FUT8: variants seen among roughly 807,000 people sequenced by gnomAD.
FUT8 encodes fucosyltransferase 8.
In FUT8, 29 loss-of-function variants were observed where a neutral mutation model predicts 71.3. The observed-to-expected ratio is 0.41, with a 90% CI of 0.30 to 0.55. The LOEUF is 0.55. Among genes scored for constraint, FUT8 ranks in the 20% least tolerant of loss-of-function variants. The probability of loss-of-function intolerance (pLI) is 0.34; values close to 1 mark genes in which losing one functional copy is unlikely to be tolerated. For synonymous variants in FUT8, 254 were observed against 239.3 expected (o/e 1.06, Z -0.57); for missense variants, 544 against 702.1 (o/e 0.77, Z 2.55).
rs184345612 is a variant in FUT8 at position 65,550,529 on chromosome 14, T to G, written c.-227-10808T>G. On this transcript the variant is annotated intron_variant, in intron 2 of 10. Transcript: ENST00000673929. The surrounding 1 kb of genome is among the most constrained non-coding windows in gnomAD (Gnocchi z 4.5). ...TACTCAGAGTGGTTTCTACTGAATA[T>G]ATATTGCTTTTATACCATCATAAAG... Among the ~76,000 whole-genome samples the G allele has an allele frequency of 4.6e-4, 70 of 152,348 alleles. No individual in the cohort carries two copies. The highest frequency in any genetic ancestry group is 1.6e-3 in the African/African-American group (65 of 41,586).
chr14:65,536,299 G>C (rs570572889), intron 2 of FUT8, among the ~76,000 whole-genome samples: 1 of 152,248 alleles, frequency 6.6e-6, no homozygotes, highest in East Asian at 1.9e-4. Flanking sequence ...TTATTGTGTT[G>C]TTAGCTTTTT....
intron 1 of FUT8, among the ~76,000 whole-genome samples, chr14:65,414,216 C>G (rs567711799): frequency 6.6e-6 from 1 of 152,262 alleles, no homozygotes; most frequent in South Asian, 2.1e-4. Context: ...AAACGCATCT[C>G]AAGTAACTGA....
Position 65,489,905 on chromosome 14 carries a change from A to G in FUT8, c.-228+34187A>G, listed in dbSNP as rs187251082. ...TTTTCAAAAAAACATTAAAAACTCC[A>G]AAACCCAAGGAAGAAAAAGCTTCTT... On this transcript the variant is annotated intron_variant, in intron 2 of 10. Coordinates refer to ENST00000673929, the MANE Select transcript of FUT8 (RefSeq NM_001371533.1). This position sits in a 1 kb window ranked among gnomAD's most constrained non-coding sequence, Gnocchi z 4.0. 1.4e-3 allele frequency among the ~76,000 whole-genome samples: 212 copies of G among 152,260 alleles called. No individual in the cohort carries two copies. The highest frequency in any genetic ancestry group is 2.2e-3 in the Admixed American group (34 of 15,284).
intron 2 of FUT8, among the ~76,000 whole-genome samples, chr14:65,520,522 TA>T (rs1433537624): frequency 6.6e-6 from 1 of 152,158 alleles, no homozygotes; most frequent in Non-Finnish European, 1.5e-5. Flanking sequence ...TTGCTGTTTT[TA>T]TCAGGAAAAA....
Position 65,616,291 on chromosome 14 carries a change from T to C in FUT8, c.400T>C (p.Leu134=), listed in dbSNP as rs1263495001. ...KELWFFLQSE[L]KKLKNLEGNE... is the part of the protein sequence containing the mutation. The stretch of plus-strand genomic sequence containing the variant: ...GCTCTGGTTTTTCCTACAGAGTGAA[T>C]TGAAGAAATTAAAGAACTTAGAAGG... Residue 134 remains leucine, a synonymous_variant, in exon 5 of 11, where the codon TTG becomes CTG. Transcript: ENST00000673929. The C allele has an allele frequency of 5.0e-6, 8 of 1,612,548 alleles. No homozygotes were observed. The highest frequency in any genetic ancestry group is 1.7e-5 in the Admixed American group (1 of 59,668).
chr14:65,397,674 G>A, the FUT8 span, among the ~76,000 whole-genome samples: 1 of 152,250 alleles, frequency 6.6e-6, no homozygotes, highest in African/African-American at 2.4e-5. The surrounding 1 kb of genome is among the most constrained non-coding windows in gnomAD (Gnocchi z 4.2). Context: ...GCTGGGTCCT[G>A]CCTTGACCCC....
intron 9 of FUT8, among the ~76,000 whole-genome samples, chr14:65,731,729 A>C (rs774059500): frequency 1.9e-4 from 29 of 152,236 alleles, no homozygotes; most frequent in Non-Finnish European, 2.2e-4. Context: ...TCTTGAGCTC[A>C]AGCAGTCTGC....
At chr14:65,711,036 T>G (rs556468806) in intron 7 of FUT8, among the ~76,000 whole-genome samples, 1 of 152,270 alleles carries the variant, frequency 6.6e-6, no homozygotes, top group Admixed American at 6.5e-5. Context: ...AAGTCTTTCA[T>G]GAGGGATCTG....
chr14:65,504,218 A>AT (rs2066690655), intron 2 of FUT8, among the ~76,000 whole-genome samples: 3 of 152,090 alleles, frequency 2.0e-5, no homozygotes, highest in South Asian at 2.1e-4. Flanking sequence ...TGGATTAAAA[A>AT]TTTTTTTTAA....
chr14:65,468,750 T>C (rs2066087520), intron 2 of FUT8, among the ~76,000 whole-genome samples: 1 of 152,112 alleles, frequency 6.6e-6, no homozygotes, highest in Non-Finnish European at 1.5e-5. Context: ...TATTGATTTG[T>C]ACACTCCCCT....
At chr14:65,576,561 C>T (rs989025528) in intron 3 of FUT8, among the ~76,000 whole-genome samples, 5 of 151,750 alleles carry the variant, frequency 3.3e-5, no homozygotes, top group African/African-American at 1.2e-4. Context: ...CAGGGTCTTG[C>T]TCTGTCTCCA....
At chr14:65,504,277 C>G (rs1340574529) in intron 2 of FUT8, among the ~76,000 whole-genome samples, 2 of 152,116 alleles carry the variant, frequency 1.3e-5, no homozygotes, top group African/African-American at 4.8e-5. Flanking sequence ...ATAATTTTAA[C>G]TATTTGTCCA....
At chr14:65,582,762 T>C (rs1256857213) in intron 3 of FUT8, among the ~76,000 whole-genome samples, 2 of 152,212 alleles carry the variant, frequency 1.3e-5, no homozygotes, top group Admixed American at 6.5e-5. Context: ...CCTTGTATCA[T>C]AGTGTTTAGA....
intron 1 of FUT8, among the ~76,000 whole-genome samples, chr14:65,417,920 A>G (rs2065241737): frequency 6.6e-6 from 1 of 152,210 alleles, no homozygotes; most frequent in Non-Finnish European, 1.5e-5. Context: ...TTATTTTTCC[A>G]TAAACTGAAT....
chr14:65,669,510 C>G lies in FUT8; in HGVS notation c.835+30C>G, dbSNP rs762124605. On this transcript the variant is annotated intron_variant, in intron 7 of 10. Transcript: ENST00000673929. The surrounding 1 kb of genome is among the most constrained non-coding windows in gnomAD (Gnocchi z 4.5). ...GGAGCTTGTGCAGCATATGAGATCT[C>G]TGGGCTGTTTCACTCAATTACCAGA... 6.7e-7 allele frequency: 1 copy of G among 1,488,612 alleles called. No individual in the cohort carries two copies. Among genetic ancestry groups the G allele is most frequent in the South Asian group, 1.1e-5 (1 of 87,814 alleles). 92.2% of individuals were successfully genotyped at this position (1,488,612 alleles called of 1,614,324 possible).
chr14:65,739,776 C>G (rs1896402168), intron 10 of FUT8, among the ~76,000 whole-genome samples: 1 of 152,058 alleles, frequency 6.6e-6, no homozygotes, highest in African/African-American at 2.4e-5. Flanking sequence ...ATAGCAGTTT[C>G]AAGCATATGC....
intron 9 of FUT8, 24 bp downstream of exon 9, chr14:65,724,347 C>G (rs1469712433): frequency 1.3e-6 from 2 of 1,482,226 alleles, no homozygotes; most frequent in South Asian, 1.2e-5. Context: ...ACTAGTGATT[C>G]TAGAGTGGGG....
intron 2 of FUT8, among the ~76,000 whole-genome samples, chr14:65,559,074 A>G (rs1205838000): frequency 6.6e-6 from 1 of 152,160 alleles, no homozygotes; most frequent in Admixed American, 6.6e-5. Context: ...AACTTTTGTT[A>G]CTATTCAAGT....
intron 2 of FUT8, among the ~76,000 whole-genome samples, chr14:65,516,777 AGTATACAG>A (rs1882736662): frequency 6.6e-6 from 1 of 152,010 alleles, no homozygotes; most frequent in Admixed American, 6.6e-5. Flanking sequence ...ATCATTTTTA[AGTATACAG>A]TTCATTGTTA....
Sources: gnomAD v4.1 joint callset for allele counts (sites outside exome capture counted in the v4.1 genomes callset) on GRCh38, gnomAD v4.1.1 for gene constraint, Gnocchi (gnomAD v3.1) non-coding constraint, MANE v1.5 for transcripts, NCBI Gene and HGNC (gene_info 2026-07-23, HGNC 2026-07-21) for gene names.